Variants in MTUS2 observed in about 807,000 individuals in gnomAD.
MTUS2 encodes the protein microtubule-associated tumor suppressor candidate 2.
Under a neutral mutation model 114.1 loss-of-function variants are expected in MTUS2, and 40 were observed. The observed-to-expected ratio is 0.35, with a 90% CI of 0.27 to 0.46. MTUS2 has a LOEUF of 0.46. Among genes scored for constraint, MTUS2 ranks in the 20% least tolerant of loss-of-function variants. The pLI is 1.00. For missense variants in MTUS2, 1,679 were observed against 1,705.4 expected, an observed-to-expected ratio of 0.98 and a Z score of 0.27; for synonymous variants, 688 against 672.0, an observed-to-expected ratio of 1.02 and a Z score of -0.37.
intron 9 of MTUS2, among the ~76,000 whole-genome samples, chr13:29,449,301 A>T (rs1268364968): frequency 6.6e-6 from 1 of 152,074 alleles, no homozygotes; most frequent in African/African-American, 2.4e-5. Context: ...ACTAGCATGC[A>T]TTTTTCAGTA....
chr13:29,244,772 C>T (rs993074535), intron 5 of MTUS2, among the ~76,000 whole-genome samples: 55 of 150,918 alleles, frequency 3.6e-4, no homozygotes, highest in Non-Finnish European at 6.1e-4. Flanking sequence ...CCGGCTAAAA[C>T]GGTGAAACCC....
chr13:28,996,862 T>G (rs1279510325), intron 2 of MTUS2, among the ~76,000 whole-genome samples: 2 of 152,218 alleles, frequency 1.3e-5, no homozygotes, highest in Non-Finnish European at 2.9e-5. Flanking sequence ...CCTGGATTCA[T>G]TGATTTTTTT....
At chr13:28,986,775 C>G (rs907330263) in intron 2 of MTUS2, among the ~76,000 whole-genome samples, 1 of 152,152 alleles carries the variant, frequency 6.6e-6, no homozygotes, top group Non-Finnish European at 1.5e-5. Flanking sequence ...GCTGTGCTAT[C>G]CACTAGGGAG....
At chr13:29,320,817 A>G (rs1408998466) in intron 6 of MTUS2, among the ~76,000 whole-genome samples, 2 of 152,230 alleles carry the variant, frequency 1.3e-5, no homozygotes, top group African/African-American at 4.8e-5. Flanking sequence ...ACAAGAAATG[A>G]GGACTGAGCT....
At chr13:29,115,008 A>G (rs1474950361) in intron 5 of MTUS2, among the ~76,000 whole-genome samples, 2 of 152,250 alleles carry the variant, frequency 1.3e-5, no homozygotes, top group Admixed American at 6.5e-5. Flanking sequence ...AGGCACCTGC[A>G]TTGCATATTC....
intron 5 of MTUS2, among the ~76,000 whole-genome samples, chr13:29,171,491 C>G (rs569577099): frequency 1.3e-3 from 204 of 152,020 alleles, no homozygotes; most frequent in Non-Finnish European, 2.6e-3. Context: ...GGGACTTGTT[C>G]TGATTTATGA....
At chr13:28,974,518 G>A (rs1017160108) in intron 2 of MTUS2, among the ~76,000 whole-genome samples, 7 of 152,140 alleles carry the variant, frequency 4.6e-5, no homozygotes, top group Non-Finnish European at 8.8e-5. Flanking sequence ...GTTTCCTCCT[G>A]GGTGTGTAAA....
Position 29,480,136 on chromosome 13 carries a change from T to C in MTUS2, c.3185-14T>C, listed in dbSNP as rs1881046196. ...GGCCATTTTTTAAAGAAAGATCTTG[T>C]GCTTTGCGCCCAGCCTTCCATACAG... is the stretch of plus-strand genomic sequence containing the variant. On this transcript the variant is annotated splice_polypyrimidine_tract_variant and intron_variant, in intron 9 of 15. Coordinates refer to ENST00000612955, the MANE Select transcript of MTUS2 (RefSeq NM_001033602.4). This position sits in a 1 kb window ranked among gnomAD's most constrained non-coding sequence, Gnocchi z 4.4. The C allele has an allele frequency of 1.3e-6, 2 of 1,551,734 alleles. No homozygotes were observed. Among genetic ancestry groups the C allele is most frequent in the Non-Finnish European group, 8.7e-7 (1 of 1,147,000 alleles).
chr13:29,392,838 G>T (rs1411297004), intron 8 of MTUS2, among the ~76,000 whole-genome samples: 1 of 152,194 alleles, frequency 6.6e-6, no homozygotes, highest in Non-Finnish European at 1.5e-5. Context: ...ATGTAAAAAT[G>T]CCACTGAAGT....
At chr13:29,242,559 G>A (rs755505181) in intron 5 of MTUS2, 1 of 156,720 alleles carries the variant, frequency 6.4e-6, no homozygotes, top group Admixed American at 6.5e-5. Context: ...TGTCTCCTCT[G>A]AATTATCTGT....
intron 4 of MTUS2, among the ~76,000 whole-genome samples, chr13:29,070,312 G>T (rs1888856952): frequency 6.6e-6 from 1 of 152,006 alleles, no homozygotes; most frequent in Non-Finnish European, 1.5e-5. Flanking sequence ...TATTTTGCTG[G>T]AGTACATCCT....
At chr13:29,265,162 A>C (rs1053354129) in intron 5 of MTUS2, among the ~76,000 whole-genome samples, 2 of 152,212 alleles carry the variant, frequency 1.3e-5, no homozygotes, top group Non-Finnish European at 2.9e-5. Flanking sequence ...TTCTTCCACC[A>C]AATTCTATAA....
intron 8 of MTUS2, among the ~76,000 whole-genome samples, chr13:29,375,897 A>G (rs1475369543): frequency 6.6e-6 from 1 of 151,692 alleles, no homozygotes; most frequent in Admixed American, 6.6e-5. Flanking sequence ...TACAATGTAC[A>G]CTACTCAGGT....
chr13:28,980,358 A>G (rs542657264), intron 2 of MTUS2, among the ~76,000 whole-genome samples: 1 of 152,344 alleles, frequency 6.6e-6, no homozygotes, highest in South Asian at 2.1e-4. Context: ...TTTTACTGCC[A>G]ACCCTGTTTT....
intron 8 of MTUS2, among the ~76,000 whole-genome samples, chr13:29,420,334 G>A (rs1438345347): frequency 6.8e-6 from 1 of 147,634 alleles, no homozygotes; most frequent in African/African-American, 2.5e-5. Flanking sequence ...CCGGAGTGCA[G>A]TGGTGCGATC....
chr13:29,039,523 G>A (rs226904), intron 4 of MTUS2, among the ~76,000 whole-genome samples: 145,567 of 152,302 alleles, frequency 0.96, 69,669 homozygotes, highest in South Asian at 0.98. Context: ...GGGAAGCTCA[G>A]GCTTCTATCC....
chr13:28,829,919 C>CA (rs1453733990), intron 1 of MTUS2, among the ~76,000 whole-genome samples: 1 of 152,188 alleles, frequency 6.6e-6, no homozygotes, highest in African/African-American at 2.4e-5. Context: ...TCTGTCATCT[C>CA]AGACTAACAA....
intron 2 of MTUS2, among the ~76,000 whole-genome samples, chr13:29,001,990 T>C (rs1885406085): frequency 6.6e-6 from 1 of 152,186 alleles, no homozygotes; most frequent in African/African-American, 2.4e-5. Flanking sequence ...GGTATGGAAA[T>C]GGATTCTTCC....
intron 5 of MTUS2, among the ~76,000 whole-genome samples, chr13:29,102,032 TCCTGAAGGTGCCGTAGC>T (rs1163688978): frequency 2.0e-5 from 3 of 152,240 alleles, no homozygotes; most frequent in African/African-American, 7.2e-5. Context: ...TCTGTTGGTT[TCCTGAAGGTGCCGTAGC>T]TGAGGCCTGC....
Sources: gnomAD v4.1 joint callset for allele counts (sites outside exome capture counted in the v4.1 genomes callset) on GRCh38, gnomAD v4.1.1 for gene constraint, Gnocchi (gnomAD v3.1) non-coding constraint, MANE v1.5 for transcripts, NCBI Gene and HGNC (gene_info 2026-07-23, HGNC 2026-07-21) for gene names.